IFT46: variants seen among roughly 807,000 people sequenced by gnomAD.
The protein encoded by IFT46 is intraflagellar transport protein 46 homolog.
A neutral mutation model predicts 39.6 loss-of-function variants in IFT46; 19 were observed. That is an observed-to-expected ratio of 0.48 (90% CI 0.33 to 0.70). The LOEUF (loss-of-function observed/expected upper bound fraction) is 0.70. Among genes scored for constraint, IFT46 ranks in the 30% least tolerant of loss-of-function variants. The pLI, the probability that IFT46 is intolerant of heterozygous loss-of-function variation, is 0.01. For missense variants in IFT46, 334 were observed against 364.8 expected, an observed-to-expected ratio of 0.92 and a Z score of 0.69; for synonymous variants, 117 against 134.8, an observed-to-expected ratio of 0.87 and a Z score of 0.91.
intron 1 of IFT46, chr11:118,572,417 A>G (rs1938361338): frequency 1.5e-6 from 1 of 672,450 alleles, no homozygotes; most frequent in African/African-American, 2.1e-5. Context: ...CCATCTTGGC[A>G]AGAGGCGAAG....
intron 4 of IFT46, 41 bp from the exon 5 acceptor site, chr11:118,555,363 G>A: frequency 6.7e-7 from 1 of 1,501,284 alleles, no homozygotes. Flanking sequence ...GGCCAGAGAA[G>A]AGCAGAGGTG....
At chr11:118,568,794 T>G (rs1018872287), upstream of IFT46, among the ~76,000 whole-genome samples, 23 of 151,558 alleles carry the variant, frequency 1.5e-4, no homozygotes, top group Non-Finnish European at 2.9e-4. Context: ...TAGCTGGGAC[T>G]ATAGGCATGG....
chr11:118,563,915 T>C (rs1167759674), intron 2 of IFT46, among the ~76,000 whole-genome samples: 1 of 152,004 alleles, frequency 6.6e-6, no homozygotes, highest in East Asian at 1.9e-4. Flanking sequence ...CAAAAGTGGG[T>C]TTCTGGCCAG....
chr11:118,560,392 C>T (rs756560116), intron 2 of IFT46: 80 of 173,586 alleles, frequency 4.6e-4, no homozygotes, highest in Admixed American at 1.2e-3. Context: ...TGCTGCTGCA[C>T]TCCAGCCCGG....
intron 2 of IFT46, chr11:118,560,883 C>T (rs1938032846): frequency 1.0e-5 from 8 of 788,250 alleles, no homozygotes; most frequent in Admixed American, 1.7e-5. Flanking sequence ...TGTCAGACTG[C>T]TTATGCCCGT....
upstream of IFT46, among the ~76,000 whole-genome samples, chr11:118,567,639 C>T (rs1938257859): frequency 6.6e-6 from 1 of 152,112 alleles, no homozygotes; most frequent in African/African-American, 2.4e-5. Flanking sequence ...ACCCTGAAAA[C>T]CTACCAGAGG....
chr11:118,562,879 C>T (rs1163294043), intron 2 of IFT46, among the ~76,000 whole-genome samples: 2 of 152,134 alleles, frequency 1.3e-5, no homozygotes, highest in Non-Finnish European at 2.9e-5. Context: ...TCCGGGCCAA[C>T]ATGGTGAAAC....
chr11:118,562,054 C>T (rs1213573500), intron 2 of IFT46, among the ~76,000 whole-genome samples: 5 of 151,990 alleles, frequency 3.3e-5, no homozygotes, highest in Non-Finnish European at 7.4e-5. Context: ...GCGGGTGGAT[C>T]ACCTGAGGTC....
chr11:118,567,404 C>G (rs1017193643), upstream of IFT46, among the ~76,000 whole-genome samples: 1 of 151,924 alleles, frequency 6.6e-6, no homozygotes, highest in Non-Finnish European at 1.5e-5. Context: ...GTGAAACCCC[C>G]GTCTCTACTA....
chr11:118,569,041 G>T (rs1268812145), upstream of IFT46, among the ~76,000 whole-genome samples: 2 of 151,862 alleles, frequency 1.3e-5, no homozygotes, highest in African/African-American at 4.8e-5. Context: ...AGCACTCTGG[G>T]AGGCTGAGGC....
intron 2 of IFT46, among the ~76,000 whole-genome samples, chr11:118,563,035 A>G (rs2135509585): frequency 6.6e-6 from 1 of 152,192 alleles, no homozygotes; most frequent in African/African-American, 2.4e-5. Context: ...ACTGCACTCC[A>G]GCCTGGGTGA....
chr11:118,557,325 C>T, intron 3 of IFT46: 1 of 405,778 alleles, frequency 2.5e-6, no homozygotes, highest in South Asian at 5.2e-5. Flanking sequence ...ATCTTCAGGG[C>T]CCTGTGTACA....
rs147566348 is a variant in IFT46, at chr11:118,559,885, TTTAGA to T, written c.-35-26_-35-22del. 3.4e-3 allele frequency: 4,625 copies of T among 1,344,316 alleles called. 68 individuals are homozygous for T. The African/African-American group carries it at 0.041, about 12-fold the overall frequency. The allele number at this position is 1,344,316 out of a possible 1,614,324, so 83.3% of individuals were successfully genotyped here. A position where few individuals can be genotyped will look rare whatever the true frequency, so the allele number is the denominator to read the frequency against. Reference sequence around the variant, plus strand: ...AAGTCCTTAGAAAAAAAGTTTTTCCTTTAGATTATTGTTAAAATGATTTTTAAAAA... The same window carrying T: ...AAGTCCTTAGAAAAAAAGTTTTTCCTTTATTGTTAAAATGATTTTTAAAAA... On this transcript the variant is annotated intron_variant, in intron 2 of 11. Coordinates refer to ENST00000264021, the MANE Select transcript of IFT46 (RefSeq NM_001168618.2).
chr11:118,561,046 A>G, intron 2 of IFT46: 1 of 1,529,624 alleles, frequency 6.5e-7, no homozygotes, highest in Non-Finnish European at 8.9e-7. Context: ...AGATCTATGA[A>G]GGCCAAGTGG....
intron 9 of IFT46, among the ~76,000 whole-genome samples, chr11:118,549,824 T>G (rs1406714932): frequency 6.7e-6 from 1 of 148,638 alleles, no homozygotes; most frequent in African/African-American, 2.5e-5. Context: ...TGGCTGGCCT[T>G]TTCTTTTGGT....
At chr11:118,561,490 T>A (rs1938053853) in intron 2 of IFT46, 1 of 767,646 alleles carries the variant, frequency 1.3e-6, no homozygotes, top group Non-Finnish European at 2.3e-6. Context: ...GGTGGAACTG[T>A]CCCAAAATGT....
At chr11:118,555,690 G>A (rs1937807401) in intron 4 of IFT46, 1 of 193,860 alleles carries the variant, frequency 5.2e-6, no homozygotes, top group Non-Finnish European at 1.1e-5. Flanking sequence ...TGGAGGCCGA[G>A]GCAGGCGGAT....
At chr11:118,561,087 G>A (rs2135505642) in intron 2 of IFT46, 4 of 1,525,554 alleles carry the variant, frequency 2.6e-6, no homozygotes, top group Admixed American at 1.7e-5. Context: ...AATGTGGAAA[G>A]CATTGATGGT....
intron 2 of IFT46, among the ~76,000 whole-genome samples, chr11:118,564,378 C>T (rs1938159067): frequency 6.6e-6 from 1 of 151,822 alleles, no homozygotes; most frequent in Admixed American, 6.6e-5. Flanking sequence ...ACTATTTACC[C>T]AAGTGCCAGG....
Sources: gnomAD v4.1 joint callset for allele counts (sites outside exome capture counted in the v4.1 genomes callset) on GRCh38, gnomAD v4.1.1 for gene constraint, MANE v1.5 for transcripts, NCBI Gene and HGNC (gene_info 2026-07-23, HGNC 2026-07-21) for gene names.